MMP26: variants seen among roughly 807,000 people sequenced by gnomAD.
MMP26 encodes the protein matrix metalloproteinase-26.
In MMP26, 33 loss-of-function variants were observed where a neutral mutation model predicts 31.0. That is an observed-to-expected ratio of 1.06 (90% CI 0.81 to 1.42). The LOEUF (loss-of-function observed/expected upper bound fraction) is 1.42. MMP26 is among the 40% of genes most tolerant of loss of function. The pLI, the probability that MMP26 is intolerant of heterozygous loss-of-function variation, is 0.00. For synonymous variants in MMP26, 122 were observed against 114.9 expected, an observed-to-expected ratio of 1.06 and a Z score of -0.40; for missense variants, 347 against 316.1, an observed-to-expected ratio of 1.10 and a Z score of -0.74.
At chr11:4,875,741 A>G (rs1489186386) in intron 2 of MMP26, 1 of 152,152 alleles carries the variant, frequency 6.6e-6, no homozygotes, top group Non-Finnish European at 1.5e-5. Context: ...CTTTAACTAT[A>G]TATGAAAATT....
At chr11:4,912,616 A>G (rs1231725206) in intron 2 of MMP26, 1 of 152,200 alleles carries the variant, frequency 6.6e-6, no homozygotes. Flanking sequence ...CACACAATTC[A>G]CATATACACA....
intron 1 of MMP26, among the ~76,000 whole-genome samples, chr11:4,748,964 A>C (rs1279992576): frequency 6.6e-6 from 1 of 152,086 alleles, no homozygotes; most frequent in African/African-American, 2.4e-5. Context: ...CAAGAGAAAA[A>C]ATGAAATGCA....
chr11:4,881,236 G>T (rs946518820), intron 2 of MMP26, among the ~76,000 whole-genome samples: 2 of 152,038 alleles, frequency 1.3e-5, no homozygotes, highest in Non-Finnish European at 2.9e-5. Flanking sequence ...GCAGCAAACG[G>T]AACCACTGTC....
intron 2 of MMP26, chr11:4,915,833 C>T: frequency 3.9e-6 from 2 of 517,384 alleles, no homozygotes; most frequent in Non-Finnish European, 6.8e-6. Context: ...TTGACTTCCT[C>T]TCAGTATCTT....
At chr11:4,921,128 T>C (rs1411667937) in intron 2 of MMP26, among the ~76,000 whole-genome samples, 2 of 152,216 alleles carry the variant, frequency 1.3e-5, no homozygotes, top group Admixed American at 6.5e-5. Flanking sequence ...GCAGAAAGCA[T>C]AGGCGCAGCT....
chr11:4,801,894 A>G (rs954720199), intron 2 of MMP26, among the ~76,000 whole-genome samples: 3 of 151,966 alleles, frequency 2.0e-5, no homozygotes, highest in Non-Finnish European at 4.4e-5. Context: ...GAACTCACTC[A>G]TCACCAAGGA....
At chr11:4,885,597 C>T (rs531933500) in intron 2 of MMP26, among the ~76,000 whole-genome samples, 4 of 152,094 alleles carry the variant, frequency 2.6e-5, no homozygotes, top group South Asian at 4.2e-4. Context: ...TGTGTAAATA[C>T]GCTATATGAT....
At chr11:4,985,444 T>C (rs184368754) in intron 2 of MMP26, among the ~76,000 whole-genome samples, 1 of 152,290 alleles carries the variant, frequency 6.6e-6, no homozygotes, top group East Asian at 1.9e-4. Flanking sequence ...AACCATATTC[T>C]CTTTTCCAAG....
rs1222595164 is a variant in MMP26 at position 4,722,761 on chromosome 11, C to T, written c.-217+17716C>T. 1.2e-5 allele frequency: 12 copies of T among 962,984 alleles called. 1 individual carries two copies. Among genetic ancestry groups the T allele is most frequent in the South Asian group, 8.1e-5 (6 of 74,494 alleles). The allele number at this position is 962,984 out of a possible 1,614,324, so 59.7% of individuals were successfully genotyped here. A position where few individuals can be genotyped will look rare whatever the true frequency, so the allele number is the denominator to read the frequency against. ...CACTTGGGCAGGACGTCAGAGGACT[C>T]GGACACCAGCTTCCCTTCGTGGGTC... is the stretch of plus-strand genomic sequence containing the variant. On this transcript the variant is annotated intron_variant, in intron 1 of 7. Coordinates refer to ENST00000380390, the MANE Select transcript of MMP26 (RefSeq NM_021801.5).
In MMP26 at chr11:4,848,003, T is replaced by TGGCCC. The variant is rs1849898699; in HGVS notation, c.-145+80663_-145+80667dup. 11 of 497,536 alleles carry TGGCCC rather than the reference T, an allele frequency of 2.2e-5. No individual in the cohort carries two copies. The South Asian group carries it at 4.0e-4, about 18-fold the overall frequency. 30.8% of individuals were successfully genotyped at this position (497,536 alleles called of 1,614,324 possible). ...GATAGTTGTGACAAGATCTGGACTCTGGCCCTTCCTATGTCATTGATATGT... is the reference window on the plus strand; with the variant it reads ...GATAGTTGTGACAAGATCTGGACTCTGGCCCGGCCCTTCCTATGTCATTGATATGT... On this transcript the variant is annotated intron_variant, in intron 2 of 7. Transcript: ENST00000380390.
intron 2 of MMP26, among the ~76,000 whole-genome samples, chr11:4,840,645 C>T (rs1294884812): frequency 6.6e-6 from 1 of 152,196 alleles, no homozygotes; most frequent in Admixed American, 6.5e-5. Context: ...AAAGTAGATA[C>T]AACTTAGATC....
intron 2 of MMP26, among the ~76,000 whole-genome samples, chr11:4,833,266 G>A (rs1849671148): frequency 6.6e-6 from 1 of 152,076 alleles, no homozygotes; most frequent in African/African-American, 2.4e-5. Context: ...TAAAGAAGAG[G>A]CTTATATTTC....
intron 2 of MMP26, among the ~76,000 whole-genome samples, chr11:4,879,792 G>T (rs1408366069): frequency 4.6e-5 from 7 of 152,124 alleles, no homozygotes; most frequent in Non-Finnish European, 7.4e-5. Flanking sequence ...TGTGTAAGAG[G>T]AGGGATGTAG....
At chr11:4,866,379 T>C (rs1333829697) in intron 2 of MMP26, among the ~76,000 whole-genome samples, 1 of 152,166 alleles carries the variant, frequency 6.6e-6, no homozygotes, top group Non-Finnish European at 1.5e-5. Context: ...GTTTCTATTA[T>C]ATCCATGATA....
chr11:4,851,067 A>G (rs1849969322), intron 2 of MMP26, among the ~76,000 whole-genome samples: 1 of 152,202 alleles, frequency 6.6e-6, no homozygotes, highest in Non-Finnish European at 1.5e-5. Context: ...CCTACAAAGC[A>G]TGTATAAAGC....
intron 1 of MMP26, among the ~76,000 whole-genome samples, chr11:4,739,493 G>T (rs1198070932): frequency 2.0e-5 from 3 of 152,140 alleles, no homozygotes; most frequent in Non-Finnish European, 4.4e-5. Context: ...TCAAGAAGAT[G>T]GGGCAATTTT....
intron 1 of MMP26, among the ~76,000 whole-genome samples, chr11:4,759,960 T>G (rs1435332054): frequency 6.6e-6 from 1 of 152,200 alleles, no homozygotes; most frequent in African/African-American, 2.4e-5. Context: ...CTAAAATTCA[T>G]GGGTGTAAGT....
At chr11:4,846,776 T>A (rs1849874631) in intron 2 of MMP26, among the ~76,000 whole-genome samples, 1 of 152,264 alleles carries the variant, frequency 6.6e-6, no homozygotes, top group Middle Eastern at 3.2e-3. Context: ...ACACATGTGA[T>A]TAATTGTATT....
At chr11:4,906,497 C>T (rs1301415844) in intron 2 of MMP26, among the ~76,000 whole-genome samples, 2 of 152,098 alleles carry the variant, frequency 1.3e-5, no homozygotes, top group African/African-American at 4.8e-5. Context: ...TATATTTACT[C>T]ATGTATAAAA....
Sources: gnomAD v4.1 joint callset for allele counts (sites outside exome capture counted in the v4.1 genomes callset) on GRCh38, gnomAD v4.1.1 for gene constraint, MANE v1.5 for transcripts, NCBI Gene and HGNC (gene_info 2026-07-23, HGNC 2026-07-21) for gene names.